The following FGF14 variants were observed in gnomAD, a reference collection of about 807,000 sequenced individuals.
The protein encoded by FGF14 is fibroblast growth factor 14, also known as fibroblast growth factor homologous factor 4.
A neutral mutation model predicts 25.5 loss-of-function variants in FGF14; 5 were observed. That is an observed-to-expected ratio of 0.20 (90% CI 0.10 to 0.41). The LOEUF (loss-of-function observed/expected upper bound fraction) is 0.41. Among genes scored for constraint, FGF14 ranks in the 10% least tolerant of loss-of-function variants. The pLI, the probability that FGF14 is intolerant of heterozygous loss-of-function variation, is 1.00. For missense variants in FGF14, 222 were observed against 320.1 expected, an observed-to-expected ratio of 0.69 and a Z score of 2.34; for synonymous variants, 138 against 118.3, an observed-to-expected ratio of 1.17 and a Z score of -1.08.
chr13:102,336,827 C>T (rs1039833242), intron 1 of FGF14, among the ~76,000 whole-genome samples: 2 of 152,142 alleles, frequency 1.3e-5, no homozygotes, highest in Admixed American at 6.6e-5. Context: ...ATGTACCTGT[C>T]CTCTATAAAT....
rs558442223 is a variant in FGF14, at chr13:101,933,169, G to A, written c.209-57873C>T. ...AAACTTAGTTTAACTATTTTTATCC[G>A]TCAAAACAAGTTCAAACAAATCCAT... On this transcript the variant is annotated intron_variant, in intron 1 of 4. Transcript: ENST00000376131. 7.2e-4 allele frequency among the ~76,000 whole-genome samples: 110 copies of A among 151,904 alleles called. 1 individual carries two copies. In the South Asian group the frequency reaches 0.019, roughly 26 times the overall value.
intron 1 of FGF14, among the ~76,000 whole-genome samples, chr13:102,363,436 G>C (rs1199139680): frequency 6.6e-6 from 1 of 152,138 alleles, no homozygotes; most frequent in African/African-American, 2.4e-5. Context: ...TCAGAAATAG[G>C]ACTCCAGCCT....
chr13:102,381,983 T>C (rs2058193545), intron 1 of FGF14, among the ~76,000 whole-genome samples: 1 of 152,172 alleles, frequency 6.6e-6, no homozygotes, highest in South Asian at 2.1e-4. Flanking sequence ...TCACAGCATC[T>C]ACTAAATTAA....
chr13:101,781,564 T>G (rs2039494547), intron 3 of FGF14, among the ~76,000 whole-genome samples: 1 of 152,224 alleles, frequency 6.6e-6, no homozygotes, highest in African/African-American at 2.4e-5. Context: ...TTATCTCATT[T>G]AATTATTAAA....
intron 1 of FGF14, among the ~76,000 whole-genome samples, chr13:102,270,646 T>A (rs2053201573): frequency 6.6e-6 from 1 of 152,196 alleles, no homozygotes; most frequent in African/African-American, 2.4e-5. Flanking sequence ...TAAGTGAGCA[T>A]AAATATATAG....
intron 1 of FGF14, among the ~76,000 whole-genome samples, chr13:102,155,849 T>C (rs1225935908): frequency 6.6e-6 from 1 of 151,954 alleles, no homozygotes; most frequent in African/African-American, 2.4e-5. Flanking sequence ...CCCACAGAAA[T>C]ACAAACTACC....
chr13:101,871,892 T>C (rs188179805), intron 2 of FGF14, among the ~76,000 whole-genome samples: 1 of 152,030 alleles, frequency 6.6e-6, no homozygotes. Flanking sequence ...TTACCCATCA[T>C]CCACAATTTT....
intron 3 of FGF14, among the ~76,000 whole-genome samples, chr13:101,844,821 C>T (rs958599092): frequency 6.6e-6 from 1 of 151,996 alleles, no homozygotes; most frequent in Non-Finnish European, 1.5e-5. Flanking sequence ...AAATCCAAAA[C>T]ATTTAACTAG....
At chr13:102,109,577 A>AT (rs1207265835) in intron 1 of FGF14, among the ~76,000 whole-genome samples, 2 of 152,034 alleles carry the variant, frequency 1.3e-5, no homozygotes, top group African/African-American at 4.8e-5. Context: ...ATTTTTTGTA[A>AT]TTTTTAGCAG....
intron 1 of FGF14, among the ~76,000 whole-genome samples, chr13:102,005,388 C>G (rs574310774): frequency 9.9e-5 from 15 of 152,134 alleles, no homozygotes; most frequent in African/African-American, 3.1e-4. Flanking sequence ...ATGCCAGCAC[C>G]ATACAAAACA....
At chr13:101,900,234 T>G (rs1311422732) in intron 1 of FGF14, among the ~76,000 whole-genome samples, 1 of 152,146 alleles carries the variant, frequency 6.6e-6, no homozygotes, top group Non-Finnish European at 1.5e-5. Context: ...TTTAAATTCT[T>G]CAATGGCTTA....
chr13:102,026,375 C>G (rs888371874), intron 1 of FGF14, among the ~76,000 whole-genome samples: 19 of 151,512 alleles, frequency 1.3e-4, no homozygotes, highest in African/African-American at 4.4e-4. Context: ...CATTTATATT[C>G]ATAAAGGATA....
intron 3 of FGF14, among the ~76,000 whole-genome samples, chr13:101,773,057 T>C (rs976771286): frequency 2.6e-5 from 4 of 152,150 alleles, no homozygotes; most frequent in African/African-American, 9.7e-5. Flanking sequence ...GTGGCCCCTG[T>C]TGTATGAATT....
intron 2 of FGF14, among the ~76,000 whole-genome samples, chr13:101,872,528 T>C (rs1566354328): frequency 6.6e-6 from 1 of 151,958 alleles, no homozygotes. Flanking sequence ...TTCATGAGAC[T>C]ATTGAAATGA....
intron 1 of FGF14, among the ~76,000 whole-genome samples, chr13:102,098,543 A>G (rs903055081): frequency 1.4e-4 from 21 of 152,238 alleles, no homozygotes; most frequent in African/African-American, 4.6e-4. Flanking sequence ...ATTTATACAA[A>G]TAAGTTGTGC....
chr13:102,084,706 C>T (rs974013688), intron 1 of FGF14, among the ~76,000 whole-genome samples: 9 of 152,246 alleles, frequency 5.9e-5, no homozygotes, highest in Admixed American at 1.3e-4. Flanking sequence ...AGCAACAGGA[C>T]GACTTTAAAG....
At chr13:102,025,063 T>C (rs544118470) in intron 1 of FGF14, among the ~76,000 whole-genome samples, 2 of 151,728 alleles carry the variant, frequency 1.3e-5, no homozygotes, top group East Asian at 1.9e-4. Flanking sequence ...TCTACTCTTA[T>C]GCCATGTATA....
chr13:102,015,604 C>T (rs1282121800), intron 1 of FGF14, among the ~76,000 whole-genome samples: 2 of 152,152 alleles, frequency 1.3e-5, no homozygotes, highest in African/African-American at 2.4e-5. Context: ...AATCATTACA[C>T]ATTCCTTTCT....
At chr13:102,171,461 T>C (rs1305250169) in intron 1 of FGF14, among the ~76,000 whole-genome samples, 2 of 152,166 alleles carry the variant, frequency 1.3e-5, no homozygotes, top group Non-Finnish European at 2.9e-5. Context: ...AAAGGAAGTC[T>C]CTCCCTTTGG....
Sources: allele counts gnomAD v4.1 joint callset (sites outside exome capture counted in the v4.1 genomes callset), GRCh38; gene constraint gnomAD v4.1.1; transcripts MANE v1.5; gene names NCBI Gene and HGNC (gene_info 2026-07-23, HGNC 2026-07-21).